Variants in KIF21A observed in about 807,000 individuals in gnomAD.
KIF21A encodes the protein kinesin-like protein KIF21A.
A neutral mutation model predicts 202.9 loss-of-function variants in KIF21A; 114 were observed. That is an observed-to-expected ratio of 0.56 (90% CI 0.48 to 0.66). KIF21A has a LOEUF of 0.66. Among genes scored for constraint, KIF21A ranks in the 30% least tolerant of loss-of-function variants. The pLI is 0.00. For synonymous variants in KIF21A, 667 were observed against 670.8 expected (o/e 0.99, Z 0.09); for missense variants, 1,677 against 1,994.9 (o/e 0.84, Z 3.04).
chr12:39,369,262 C>T (rs1949797165), intron 3 of KIF21A, among the ~76,000 whole-genome samples: 1 of 152,098 alleles, frequency 6.6e-6, no homozygotes, highest in Admixed American at 6.5e-5. Flanking sequence ...AGTTCGAGAC[C>T]AGCCTAGGCA....
intron 1 of KIF21A, among the ~76,000 whole-genome samples, chr12:39,405,417 T>TA (rs1480179554): frequency 1.8e-4 from 28 of 152,088 alleles, no homozygotes; most frequent in African/African-American, 6.8e-4. Flanking sequence ...AGTAAGAGAT[T>TA]AACTAGAAAA....
intron 1 of KIF21A, among the ~76,000 whole-genome samples, chr12:39,400,455 C>T (rs1409589193): frequency 1.3e-5 from 2 of 151,990 alleles, no homozygotes; most frequent in African/African-American, 4.8e-5. Context: ...CAACCCCCAA[C>T]AGGCCCCAGT....
intron 1 of KIF21A, among the ~76,000 whole-genome samples, chr12:39,436,422 T>TTTTATA (rs1424497663): frequency 8.3e-4 from 82 of 99,084 alleles, no homozygotes; most frequent in Non-Finnish European, 1.2e-3. Flanking sequence ...GTTTACTATA[T>TTTTATA]TATATATATA....
At chr12:39,338,729 T>C (rs1243666177) in intron 16 of KIF21A, among the ~76,000 whole-genome samples, 1 of 152,210 alleles carries the variant, frequency 6.6e-6, no homozygotes, top group Non-Finnish European at 1.5e-5. Context: ...TAAAGTTATG[T>C]TTATGCTATA....
intron 11 of KIF21A, among the ~76,000 whole-genome samples, chr12:39,349,995 G>A (rs1006968284): frequency 8.6e-5 from 13 of 151,898 alleles, no homozygotes; most frequent in African/African-American, 3.1e-4. Flanking sequence ...TTTGTATATA[G>A]CACTCTATAG....
chr12:39,338,699 AT>A (rs1450493268), intron 16 of KIF21A, among the ~76,000 whole-genome samples: 1 of 152,208 alleles, frequency 6.6e-6, no homozygotes, highest in Non-Finnish European at 1.5e-5. Flanking sequence ...ACACAAATTT[AT>A]TTGGTTTCCC....
chr12:39,411,109 T>C (rs1464999984), intron 1 of KIF21A, among the ~76,000 whole-genome samples: 1 of 152,254 alleles, frequency 6.6e-6, no homozygotes, highest in African/African-American at 2.4e-5. Flanking sequence ...TTTTTGTCCA[T>C]AATGATCTCA....
intron 11 of KIF21A, 37 bp from the exon 12 acceptor site, chr12:39,346,541 C>A: frequency 2.2e-6 from 3 of 1,379,804 alleles, no homozygotes; most frequent in Non-Finnish European, 2.8e-6. Context: ...GAAGGCCAAG[C>A]CAATGAAGGA....
chr12:39,346,578 G>T (rs1289688829), intron 11 of KIF21A, 74 bp from the exon 12 acceptor site: 1 of 1,017,622 alleles, frequency 9.8e-7, no homozygotes, highest in Non-Finnish European at 1.3e-6. Flanking sequence ...AAGCGAAAGT[G>T]ATAAGAAGGT....
chr12:39,360,119 G>A (rs1949093135), intron 7 of KIF21A, among the ~76,000 whole-genome samples: 6 of 151,484 alleles, frequency 4.0e-5, no homozygotes. Context: ...AATTGTATAG[G>A]GAAAACATCA....
intron 1 of KIF21A, among the ~76,000 whole-genome samples, chr12:39,421,551 G>A (rs1166649290): frequency 2.6e-5 from 4 of 151,640 alleles, no homozygotes; most frequent in Admixed American, 6.6e-5. Context: ...AAATTAGCCG[G>A]GTGTGATAGT....
At chr12:39,354,463 C>T (rs1437731805) in intron 10 of KIF21A, among the ~76,000 whole-genome samples, 1 of 152,062 alleles carries the variant, frequency 6.6e-6, no homozygotes, top group Non-Finnish European at 1.5e-5. Flanking sequence ...TTTTCTCTTA[C>T]ATTTTCCTAT....
chr12:39,367,537 C>T (rs1949681914), intron 4 of KIF21A, among the ~76,000 whole-genome samples: 1 of 152,138 alleles, frequency 6.6e-6, no homozygotes, highest in African/African-American at 2.4e-5. Flanking sequence ...CTCTAGGAGC[C>T]ATGATACAGT....
At chr12:39,336,235 GA>G (rs924562614) in intron 17 of KIF21A, among the ~76,000 whole-genome samples, 16 of 146,764 alleles carry the variant, frequency 1.1e-4, no homozygotes, top group African/African-American at 2.2e-4. Context: ...CTTCTTTTAA[GA>G]AAAAAAAAAT....
chr12:39,369,877 C>T lies in KIF21A; in HGVS notation c.302G>A (p.Gly101Glu), dbSNP rs752832786. Residue 101 changes from glycine (G) to glutamate (E), a missense_variant, in exon 3 of 38, where the codon GGA becomes GAA. Gly to Glu is a moderately conservative substitution (Grantham distance 98, BLOSUM62 -2). Transcript: ENST00000361418. Reference protein sequence around the residue: ...GAGKTYTMGTGFDVNIVEEEL... With the variant: ...GAGKTYTMGTEFDVNIVEEEL... The stretch of plus-strand genomic sequence containing the variant: ...TTCCTCAACAATGTTAACATCAAAT[C>T]CTGTTCCCATTGTGTATGTTTTACC... The T allele has an allele frequency of 3.1e-6, 5 of 1,613,488 alleles. No individual in the cohort carries two copies. Among genetic ancestry groups the T allele is most frequent in the Non-Finnish European group, 4.2e-6 (5 of 1,179,672 alleles).
chr12:39,386,769 A>G (rs1950973145), intron 1 of KIF21A, among the ~76,000 whole-genome samples: 1 of 152,166 alleles, frequency 6.6e-6, no homozygotes, highest in Non-Finnish European at 1.5e-5. Context: ...CACCACATAC[A>G]GCTTGAAATC....
chr12:39,416,607 A>ATATATATGTACATATATATGTGTG (rs1566263557), intron 1 of KIF21A, among the ~76,000 whole-genome samples: 1 of 139,242 alleles, frequency 7.2e-6, no homozygotes, highest in African/African-American at 2.7e-5. Flanking sequence ...ATATACATAT[A>ATATATATGTACATATATATGTGTG]TATATATATG....
chr12:39,341,115 T>C, intron 14 of KIF21A, 21 bp from the exon 15 acceptor site: 3 of 1,559,398 alleles, frequency 1.9e-6, no homozygotes, highest in Non-Finnish European at 2.6e-6. Context: ...AAGAAGAAAA[T>C]AAAAATCCTG....
At chr12:39,441,676 A>AAAAAAAAAAAAAAAAAC (rs1041857523) in intron 1 of KIF21A, among the ~76,000 whole-genome samples, 8 of 137,378 alleles carry the variant, frequency 5.8e-5, no homozygotes, top group African/African-American at 2.2e-4. Flanking sequence ...AAAAAAAAAA[A>AAAAAAAAAAAAAAAAAC]AAAACACTTA....
Sources: gnomAD v4.1 joint callset for allele counts (sites outside exome capture counted in the v4.1 genomes callset) on GRCh38, gnomAD v4.1.1 for gene constraint, MANE v1.5 for transcripts, NCBI Gene and HGNC (gene_info 2026-07-23, HGNC 2026-07-21) for gene names.